ACADL: variants seen among roughly 807,000 people sequenced by gnomAD.
ACADL encodes the protein acyl-CoA dehydrogenase long chain, also known as long-chain specific acyl-CoA dehydrogenase, mitochondrial.
ACADL carries 60 observed loss-of-function variants against 56.9 expected under a neutral mutation model. That is an observed-to-expected ratio of 1.05 (90% CI 0.86 to 1.31). The LOEUF (loss-of-function observed/expected upper bound fraction) is 1.31. Among genes scored for constraint, ACADL ranks in the 50% most tolerant of loss-of-function variants. ACADL has a pLI of 0.00. For missense variants in ACADL, 484 were observed against 525.5 expected, an observed-to-expected ratio of 0.92 and a Z score of 0.77; for synonymous variants, 158 against 179.7, an observed-to-expected ratio of 0.88 and a Z score of 0.97.
At chr2:210,197,614 G>A (rs1423424083) in intron 8 of ACADL, among the ~76,000 whole-genome samples, 1 of 152,130 alleles carries the variant, frequency 6.6e-6, no homozygotes, top group Non-Finnish European at 1.5e-5. Context: ...CACTATGTAT[G>A]ACACTTTATT....
At chr2:210,212,399 C>T (rs1027067647) in intron 4 of ACADL, among the ~76,000 whole-genome samples, 1 of 152,008 alleles carries the variant, frequency 6.6e-6, no homozygotes, top group Non-Finnish European at 1.5e-5. Context: ...GCAAAGACTG[C>T]AGTGACGAGG....
At chr2:210,211,830 A>AT (rs34754770) in intron 4 of ACADL, among the ~76,000 whole-genome samples, 1 of 130,844 alleles carries the variant, frequency 7.6e-6, no homozygotes, top group African/African-American at 2.8e-5. Context: ...GCCCCTCAGC[A>AT]TTTTTTTTTT....
chr2:210,202,858 T>G (rs1688817278), intron 8 of ACADL, among the ~76,000 whole-genome samples: 1 of 152,152 alleles, frequency 6.6e-6, no homozygotes, highest in Non-Finnish European at 1.5e-5. Flanking sequence ...TTCTATCTAC[T>G]CATCGGGTGT....
chr2:210,220,696 T>C lies in ACADL; in HGVS notation c.184A>G (p.Lys62Glu), dbSNP rs755677460. Residue 62 changes from lysine (K) to glutamate (E), a missense_variant, in exon 2 of 11, where the codon AAA (lysine) becomes GAA (glutamate). Physicochemically the swap from Lys to Glu is moderately conservative, Grantham distance 56 (BLOSUM62 1). Coordinates refer to ENST00000233710, the MANE Select transcript of ACADL (RefSeq NM_001608.4). ...TCTTGGAAAAACTTCCTTACACTTT[T>C]CCGGAAAATGTCATGCTCTGGAGAA... ...IFSPEHDIFRKSVRKFFQEEV... is the reference protein window; with the variant it reads ...IFSPEHDIFRESVRKFFQEEV... 2 of 1,613,632 alleles carry C rather than the reference T, an allele frequency of 1.2e-6. No homozygotes were observed. The highest frequency in any genetic ancestry group is 1.1e-5 in the South Asian group (1 of 91,064).
chr2:210,214,335 A>T (rs1689037789), intron 4 of ACADL, among the ~76,000 whole-genome samples: 1 of 150,940 alleles, frequency 6.6e-6, no homozygotes, highest in African/African-American at 2.4e-5. Context: ...ATTCCTCAAC[A>T]CTCTATTACT....
intron 2 of ACADL, among the ~76,000 whole-genome samples, chr2:210,219,293 TTTTGTC>T (rs1689138547): frequency 6.6e-6 from 1 of 152,198 alleles, no homozygotes; most frequent in Non-Finnish European, 1.5e-5. Context: ...ACAATGTCTC[TTTTGTC>T]TTTAAGAAGC....
At chr2:210,204,454 T>A (rs560698904) in intron 7 of ACADL, 127 bp downstream of exon 7, 1 of 722,172 alleles carries the variant, frequency 1.4e-6, no homozygotes, top group South Asian at 1.6e-5. Context: ...AATACTCAAA[T>A]GATTAGCTAT....
intron 9 of ACADL, among the ~76,000 whole-genome samples, chr2:210,193,137 A>G (rs1284591668): frequency 2.0e-5 from 3 of 152,192 alleles, no homozygotes; most frequent in African/African-American, 7.2e-5. Flanking sequence ...GGCTAGAAAC[A>G]AAAGGTAGAA....
chr2:210,191,255 TAGC>T (rs921632212), intron 10 of ACADL, among the ~76,000 whole-genome samples: 62 of 152,198 alleles, frequency 4.1e-4, no homozygotes, highest in African/African-American at 1.5e-3. Flanking sequence ...GGAAGAGAAA[TAGC>T]AGTCTAGTTT....
chr2:210,206,282 G>C (rs1391596975), intron 5 of ACADL, among the ~76,000 whole-genome samples: 3 of 151,814 alleles, frequency 2.0e-5, no homozygotes, highest in Non-Finnish European at 2.9e-5. Flanking sequence ...TTAAAAATTA[G>C]CTGATGTGGT....
At chr2:210,191,198 C>A (rs1375801914) in intron 10 of ACADL, among the ~76,000 whole-genome samples, 3 of 152,122 alleles carry the variant, frequency 2.0e-5, no homozygotes, top group Admixed American at 2.0e-4. Flanking sequence ...CAGGAGTGAG[C>A]CACCGCACGT....
At chr2:210,225,106 C>G in intron 1 of ACADL, 81 bp downstream of exon 1, 2 of 1,524,188 alleles carry the variant, frequency 1.3e-6, no homozygotes, top group African/African-American at 2.8e-5. Context: ...CGCCCTGCTT[C>G]AAGCCAGCGA....
rs531432671 is a variant in ACADL at position 210,220,542 on chromosome 2, G to T, written c.233+105C>A. On this transcript the variant is annotated intron_variant, in intron 2 of 10. Coordinates refer to ENST00000233710, the MANE Select transcript of ACADL (RefSeq NM_001608.4). Reference sequence around the variant, plus strand: ...GAAGAGCAGTAAAAATGTTAATAAAGCCCTGAACATACTATGTTTTCTGTA... The same window carrying T: ...GAAGAGCAGTAAAAATGTTAATAAATCCCTGAACATACTATGTTTTCTGTA... 9 of 1,032,186 alleles carry T rather than the reference G, an allele frequency of 8.7e-6. No individual in the cohort carries two copies. In the East Asian group the frequency reaches 2.0e-4, roughly 22 times the overall value. The allele number at this position is 1,032,186 out of a possible 1,614,324, so 63.9% of individuals were successfully genotyped here.
At chr2:210,223,714 G>A (rs567924191) in intron 1 of ACADL, among the ~76,000 whole-genome samples, 4 of 152,154 alleles carry the variant, frequency 2.6e-5, no homozygotes, top group Non-Finnish European at 5.9e-5. Flanking sequence ...CATTAAGGGA[G>A]TTGTAAAAAT....
intron 1 of ACADL, among the ~76,000 whole-genome samples, 193 bp from the exon 2 acceptor site, chr2:210,220,995 GA>G (rs1199403657): frequency 2.6e-5 from 4 of 152,070 alleles, no homozygotes; most frequent in African/African-American, 9.7e-5. Context: ...CATGTAGCTG[GA>G]ATTAAGAAGT....
At chr2:210,204,959 T>A (rs963821699) in intron 6 of ACADL, among the ~76,000 whole-genome samples, 1 of 152,200 alleles carries the variant, frequency 6.6e-6, no homozygotes, top group Admixed American at 6.5e-5. Context: ...GGATTTCTAA[T>A]ACATATTAAG....
chr2:210,204,588 A>G lies in ACADL; in HGVS notation c.863T>C (p.Leu288Pro), dbSNP rs1688852745. 1.3e-6 allele frequency: 2 copies of G among 1,598,506 alleles called. No individual in the cohort carries two copies. Among genetic ancestry groups the G allele is most frequent in the Non-Finnish European group, 1.7e-6 (2 of 1,166,180 alleles). Residue 288 changes from leucine (L) to proline (P), a missense_variant, in exon 7 of 11, where the codon CTT becomes CCT. Transcript: ENST00000233710. ...NKGFYYIMKE[L>P]PQERLLIADV... ...TCTTTAAACACTTCTGACCTGTGGA[A>G]GCTCTTTCATGATGTAATAGAAGCC... is the stretch of plus-strand genomic sequence containing the variant.
At chr2:210,218,248 C>G in intron 2 of ACADL, 146 bp from the exon 3 acceptor site, 1 of 690,586 alleles carries the variant, frequency 1.4e-6, no homozygotes, top group Non-Finnish European at 2.4e-6. Context: ...CTATTTGCCT[C>G]TGACTCTTTT....
In ACADL at chr2:210,188,751, A is replaced by G; in HGVS notation, c.*210T>C. 1 of 493,060 alleles carries G rather than the reference A, an allele frequency of 2.0e-6. No homozygotes were observed. Among genetic ancestry groups the G allele is most frequent in the South Asian group, 2.5e-5 (1 of 40,386 alleles). 30.5% of individuals were successfully genotyped at this position (493,060 alleles called of 1,614,324 possible). On this transcript the variant is annotated 3_prime_UTR_variant, in exon 11 of 11. Transcript: ENST00000233710. ...ACCTTTGGCTACATAAAAAACTGTA[A>G]GTTAAACCTTATATTGGAAAACTAG...
Sources: gnomAD v4.1 joint callset for allele counts (sites outside exome capture counted in the v4.1 genomes callset) on GRCh38, gnomAD v4.1.1 for gene constraint, MANE v1.5 for transcripts, NCBI Gene and HGNC (gene_info 2026-07-23, HGNC 2026-07-21) for gene names.